Variants in HPCAL1 observed in about 807,000 individuals in gnomAD.
The protein encoded by HPCAL1 is hippocalcin-like protein 1.
A neutral mutation model predicts 17.1 loss-of-function variants in HPCAL1; 8 were observed. The ratio of observed to expected loss-of-function variants is 0.47; its 90% CI spans 0.27 to 0.84. The LOEUF is 0.84. HPCAL1 is among the 40% of genes least tolerant of loss of function. The pLI, the probability that HPCAL1 is intolerant of heterozygous loss-of-function variation, is 0.13. For missense variants in HPCAL1, 165 were observed against 271.1 expected, an observed-to-expected ratio of 0.61 and a Z score of 2.75; for synonymous variants, 112 against 111.4, an observed-to-expected ratio of 1.01 and a Z score of -0.03.
Position 10,367,254 on chromosome 2 carries a change from G to A in HPCAL1, c.-110-29581G>A, listed in dbSNP as rs1171220139. On this transcript the variant is annotated intron_variant, in intron 1 of 4. Transcript: ENST00000307845. The surrounding 1 kb of genome is among the most constrained non-coding windows in gnomAD (Gnocchi z 4.4). ...TTTAATATACAGATGACGGGCGGAT[G>A]GTAGTGTTGTTTTAAGGGGGGATTT... is the stretch of plus-strand genomic sequence containing the variant. Among the ~76,000 whole-genome samples the A allele has an allele frequency of 6.6e-6, 1 of 151,976 alleles. No homozygotes were observed. The highest frequency in any genetic ancestry group is 1.5e-5 in the Non-Finnish European group (1 of 68,012).
chr2:10,341,381 G>T (rs114065906), intron 1 of HPCAL1, among the ~76,000 whole-genome samples: 9,072 of 152,220 alleles, frequency 0.06, 757 homozygotes, highest in African/African-American at 0.19. Flanking sequence ...AGCCCAGGAA[G>T]TCGAGGCTGC....
At chr2:10,355,189 C>T (rs539637202) in intron 1 of HPCAL1, among the ~76,000 whole-genome samples, 59 of 152,062 alleles carry the variant, frequency 3.9e-4, no homozygotes, top group Non-Finnish European at 7.8e-4. Flanking sequence ...CGGTGGCTCA[C>T]GCCTGTAATC....
At position 10,411,408 on chromosome 2, in the gene HPCAL1, T is replaced by C. The variant is rs574530671; in HGVS notation, c.-24-8326T>C. ...TCGGCCTAGCCAGGAGTGACCCCAC[T>C]TTCCCAGCTCCTAGAATCTTCACTG... On this transcript the variant is annotated intron_variant, in intron 2 of 4. Transcript: ENST00000307845. Among the ~76,000 whole-genome samples the C allele has an allele frequency of 2.7e-4, 41 of 152,324 alleles. No individual in the cohort carries two copies. The South Asian group carries it at 6.6e-3, about 25-fold the overall frequency.
At chr2:10,347,894 G>A (rs1665572903) in intron 1 of HPCAL1, among the ~76,000 whole-genome samples, 2 of 152,186 alleles carry the variant, frequency 1.3e-5, no homozygotes, top group Non-Finnish European at 2.9e-5. Context: ...CGTGGGAATG[G>A]GGGAGGGGAG....
chr2:10,326,550 G>A (rs1317950156), intron 1 of HPCAL1, among the ~76,000 whole-genome samples: 4 of 152,200 alleles, frequency 2.6e-5, no homozygotes, highest in Admixed American at 6.5e-5. Context: ...CGTGCCATGA[G>A]CCCCTTGTTC....
At position 10,330,746 on chromosome 2, in the gene HPCAL1, G is replaced by A. The variant is rs1023430302; in HGVS notation, c.-111+27569G>A. On this transcript the variant is annotated intron_variant, in intron 1 of 4. Coordinates refer to ENST00000307845, the MANE Select transcript of HPCAL1 (RefSeq NM_002149.4). This position sits in a 1 kb window ranked among gnomAD's most constrained non-coding sequence, Gnocchi z 4.2. ...ACATCTGGAGGTAGTAAGGATTGGG[G>A]CTTCCACATAGGGGTTTTGTGGGGG... Among the ~76,000 whole-genome samples, 1 of 152,204 alleles carries A rather than the reference G, an allele frequency of 6.6e-6. No individual in the cohort carries two copies. Among genetic ancestry groups the A allele is most frequent in the African/African-American group, 2.4e-5 (1 of 41,456 alleles).
At chr2:10,350,277 T>TA (rs1302437558) in intron 1 of HPCAL1, among the ~76,000 whole-genome samples, 1 of 151,578 alleles carries the variant, frequency 6.6e-6, no homozygotes, top group African/African-American at 2.4e-5. Context: ...GGGAAGCAGC[T>TA]AATGAAGTCT....
At chr2:10,369,414 T>C (rs963990966) in intron 1 of HPCAL1, among the ~76,000 whole-genome samples, 3 of 152,252 alleles carry the variant, frequency 2.0e-5, no homozygotes, top group Non-Finnish European at 2.9e-5. Flanking sequence ...GCAGAATCCA[T>C]AGAGGACCTA....
At chr2:10,399,808 A>G (rs1669478111) in intron 2 of HPCAL1, among the ~76,000 whole-genome samples, 1 of 151,954 alleles carries the variant, frequency 6.6e-6, no homozygotes, top group South Asian at 2.1e-4. Flanking sequence ...AGCCTCCCCT[A>G]CCAGCCTCCC....
chr2:10,320,213 A>T (rs6740419), intron 1 of HPCAL1, among the ~76,000 whole-genome samples: 90,593 of 151,924 alleles, frequency 0.6, 27,471 homozygotes, highest in East Asian at 0.81. Context: ...CATGAGTCTT[A>T]TCTTTCCACT....
chr2:10,316,669 T>C (rs1228000992), intron 1 of HPCAL1, among the ~76,000 whole-genome samples: 1 of 152,184 alleles, frequency 6.6e-6, no homozygotes, highest in East Asian at 1.9e-4. Flanking sequence ...ATATGAAAGA[T>C]TAATTCCAGG....
At chr2:10,313,728 C>G (rs907072037) in intron 1 of HPCAL1, among the ~76,000 whole-genome samples, 4 of 152,210 alleles carry the variant, frequency 2.6e-5, no homozygotes, top group Non-Finnish European at 4.4e-5. Context: ...TCTAAGTCCT[C>G]TGTCAGCTCT....
At chr2:10,414,964 C>T (rs116218445) in intron 2 of HPCAL1, among the ~76,000 whole-genome samples, 1 of 152,330 alleles carries the variant, frequency 6.6e-6, no homozygotes, top group African/African-American at 2.4e-5. Context: ...TGCAAGAACG[C>T]CACAGTTTGA....
chr2:10,416,856 A>G (rs1670705789), intron 2 of HPCAL1, among the ~76,000 whole-genome samples: 2 of 152,156 alleles, frequency 1.3e-5, no homozygotes, highest in South Asian at 4.1e-4. Flanking sequence ...AGGGTGGGTC[A>G]TATTTCTGGA....
intron 1 of HPCAL1, among the ~76,000 whole-genome samples, chr2:10,380,928 T>G (rs1194469899): frequency 6.6e-6 from 1 of 152,242 alleles, no homozygotes; most frequent in Non-Finnish European, 1.5e-5. Flanking sequence ...CAATTAAGAA[T>G]GTTTTGAATA....
At position 10,381,270 on chromosome 2, in the gene HPCAL1, C is replaced by A. The variant is rs545903673; in HGVS notation, c.-110-15565C>A. On this transcript the variant is annotated intron_variant, in intron 1 of 4. Transcript: ENST00000307845. ...CCTTAAAGATTCCACAAGGATGTTA[C>A]GTTGTGCTTTGAACAACAGAGACGT... Among the ~76,000 whole-genome samples the A allele has an allele frequency of 2.3e-4, 35 of 152,348 alleles. No individual in the cohort carries two copies. In the South Asian group the frequency reaches 7.3e-3, roughly 32 times the overall value.
intron 2 of HPCAL1, among the ~76,000 whole-genome samples, chr2:10,403,431 T>G (rs1669755893): frequency 6.6e-6 from 1 of 151,206 alleles, no homozygotes; most frequent in Non-Finnish European, 1.5e-5. Context: ...TTGAAAATGA[T>G]GCCCTCATAA....
intron 1 of HPCAL1, among the ~76,000 whole-genome samples, chr2:10,309,016 T>C (rs776352327): frequency 9.9e-5 from 15 of 152,062 alleles, no homozygotes; most frequent in Admixed American, 7.2e-4. Flanking sequence ...CTGGGCAATA[T>C]TGTGAGACCC....
intron 1 of HPCAL1, among the ~76,000 whole-genome samples, chr2:10,357,548 C>T (rs1396412417): frequency 1.3e-5 from 2 of 152,170 alleles, no homozygotes; most frequent in Non-Finnish European, 2.9e-5. Context: ...CCTGTGACAG[C>T]GTTTCCTCCG....
Sources: allele counts gnomAD v4.1 joint callset (sites outside exome capture counted in the v4.1 genomes callset), GRCh38; gene constraint gnomAD v4.1.1; non-coding constraint Gnocchi (gnomAD v3.1); transcripts MANE v1.5; gene names NCBI Gene and HGNC (gene_info 2026-07-23, HGNC 2026-07-21).